SHANK2: variants seen among roughly 807,000 people sequenced by gnomAD.
The protein encoded by SHANK2 is SH3 and multiple ankyrin repeat domains 2, also known as SH3 and multiple ankyrin repeat domains protein 2.
A neutral mutation model predicts 133.7 loss-of-function variants in SHANK2; 43 were observed. The observed-to-expected ratio is 0.32, with a 90% CI of 0.25 to 0.41. SHANK2 has a LOEUF of 0.41. SHANK2 is among the 10% of genes least tolerant of loss of function. The probability of loss-of-function intolerance (pLI) is 1.00; values close to 1 mark genes in which losing one functional copy is unlikely to be tolerated. For synonymous variants in SHANK2, 1,017 were observed against 952.8 expected, an observed-to-expected ratio of 1.07 and a Z score of -1.24; for missense variants, 1,994 against 2,235.8, an observed-to-expected ratio of 0.89 and a Z score of 2.18.
At chr11:70,523,680 C>T (rs1215170785) in intron 17 of SHANK2, among the ~76,000 whole-genome samples, 1 of 152,194 alleles carries the variant, frequency 6.6e-6, no homozygotes, top group Non-Finnish European at 1.5e-5. Context: ...CAGTGTTCAC[C>T]GCTTCCTGTG....
intron 2 of SHANK2, among the ~76,000 whole-genome samples, chr11:71,154,353 T>C (rs1193216274): frequency 1.3e-5 from 2 of 152,116 alleles, no homozygotes; most frequent in Non-Finnish European, 2.9e-5. Flanking sequence ...GACATAGACA[T>C]AGGGCTGAGA....
intron 2 of SHANK2, among the ~76,000 whole-genome samples, chr11:71,171,375 C>T (rs1211979890): frequency 2.0e-5 from 3 of 152,164 alleles, no homozygotes; most frequent in Admixed American, 6.5e-5. Flanking sequence ...AGCCAAAGGC[C>T]AGAGCACCCG....
chr11:71,190,072 G>T (rs1565504298), intron 2 of SHANK2, among the ~76,000 whole-genome samples: 1 of 152,166 alleles, frequency 6.6e-6, no homozygotes, highest in Non-Finnish European at 1.5e-5. Flanking sequence ...TCCACACGTA[G>T]GTCGACCAAC....
chr11:71,182,246 T>A (rs758681556), intron 2 of SHANK2, among the ~76,000 whole-genome samples: 1 of 152,150 alleles, frequency 6.6e-6, no homozygotes. Context: ...TCGGGGCTCC[T>A]GAGTTTCTAC....
At chr11:70,702,418 TCATCACCAC>T (rs1555023976) in intron 14 of SHANK2, among the ~76,000 whole-genome samples, 1 of 151,258 alleles carries the variant, frequency 6.6e-6, no homozygotes, top group Non-Finnish European at 1.5e-5. Flanking sequence ...ACCATCATCA[TCATCACCAC>T]CATCACCACC....
chr11:71,165,041 T>C (rs1243985976), intron 2 of SHANK2, among the ~76,000 whole-genome samples: 1 of 152,008 alleles, frequency 6.6e-6, no homozygotes, highest in Admixed American at 6.6e-5. Flanking sequence ...GTCTTCATTT[T>C]TTTTTTTTTT....
At chr11:70,778,524 G>A (rs1270402662) in intron 14 of SHANK2, among the ~76,000 whole-genome samples, 1 of 152,104 alleles carries the variant, frequency 6.6e-6, no homozygotes, top group African/African-American at 2.4e-5. Flanking sequence ...ATTAAATGAA[G>A]GTACAAGGCA....
rs143309887 is a variant in SHANK2 at position 70,923,705 on chromosome 11, T to G, written c.1108-27138A>C. 5.9e-5 allele frequency among the ~76,000 whole-genome samples: 9 copies of G among 152,328 alleles called. No individual in the cohort carries two copies. The East Asian group carries it at 1.5e-3, about 26-fold the overall frequency. ...CTGGGACTACAAGTATGCACCACCA[T>G]GCCCAGTTTGTTTTTATATACTTTT... On this transcript the variant is annotated intron_variant, in intron 10 of 25. Transcript: ENST00000601538.
At chr11:70,509,984 G>GCTTA (rs1565084591) in intron 17 of SHANK2, among the ~76,000 whole-genome samples, 1 of 152,180 alleles carries the variant, frequency 6.6e-6, no homozygotes, top group African/African-American at 2.4e-5. Flanking sequence ...CCATAGCTGT[G>GCTTA]CTTACTTACC....
At chr11:70,599,925 A>AAGAGAAAGAAAGAAAG (rs1378395578) in intron 17 of SHANK2, among the ~76,000 whole-genome samples, 8 of 113,986 alleles carry the variant, frequency 7.0e-5, no homozygotes, top group African/African-American at 3.9e-4. Context: ...GAAAGAAAGA[A>AAGAGAAAGAAAGAAAG]AGAAAGAAAG....
In SHANK2 at chr11:71,211,879, G is replaced by T. The variant is rs1954290650; in HGVS notation, c.-13+12818C>A. 3.3e-5 allele frequency among the ~76,000 whole-genome samples: 5 copies of T among 151,900 alleles called. No homozygotes were observed. In the South Asian group the frequency reaches 1.0e-3, roughly 32 times the overall value. On this transcript the variant is annotated intron_variant, in intron 2 of 25. Coordinates refer to ENST00000601538, the MANE Select transcript of SHANK2 (RefSeq NM_012309.5). ...GTTGTCCAGATCTCCTCTGTGCATG[G>T]TTCTTTAAGTTGCATGCCTGAATCA...
At chr11:70,866,453 A>G (rs868946584) in intron 11 of SHANK2, among the ~76,000 whole-genome samples, 32 of 152,298 alleles carry the variant, frequency 2.1e-4, no homozygotes, top group Admixed American at 1.6e-3. Context: ...GGGAACAGAT[A>G]AGACCAAGAA....
intron 10 of SHANK2, among the ~76,000 whole-genome samples, chr11:70,932,135 T>C (rs1219986416): frequency 6.6e-6 from 1 of 152,210 alleles, no homozygotes; most frequent in Non-Finnish European, 1.5e-5. Flanking sequence ...AGAAAACATT[T>C]TGTAGACATC....
chr11:71,065,184 G>C (rs1778462645), intron 9 of SHANK2, among the ~76,000 whole-genome samples: 1 of 152,204 alleles, frequency 6.6e-6, no homozygotes. Flanking sequence ...CCATGAGAAG[G>C]TGGAAGCCAC....
At chr11:70,885,414 T>C (rs1949723657) in intron 11 of SHANK2, among the ~76,000 whole-genome samples, 1 of 152,178 alleles carries the variant, frequency 6.6e-6, no homozygotes, top group South Asian at 2.1e-4. Context: ...CCATGGGGGA[T>C]CCGCAGTGGG....
At chr11:70,549,883 C>G in intron 17 of SHANK2, among the ~76,000 whole-genome samples, 1 of 152,232 alleles carries the variant, frequency 6.6e-6, no homozygotes, top group East Asian at 1.9e-4. Flanking sequence ...AAAGACACAG[C>G]GAAGCTCCGG....
chr11:70,644,246 C>T (rs1207439506), intron 17 of SHANK2, among the ~76,000 whole-genome samples: 2 of 152,132 alleles, frequency 1.3e-5, no homozygotes, highest in Admixed American at 6.5e-5. Flanking sequence ...ACAGTGTGTG[C>T]AGCCATCACC....
At chr11:71,115,709 A>T (rs1222427278) in intron 4 of SHANK2, among the ~76,000 whole-genome samples, 2 of 152,166 alleles carry the variant, frequency 1.3e-5, no homozygotes, top group Non-Finnish European at 2.9e-5. Context: ...TCGAGGTTGC[A>T]CAGCTGCAGG....
intron 17 of SHANK2, chr11:70,647,269 G>A (rs1555008670): frequency 6.6e-6 from 1 of 152,232 alleles, no homozygotes; most frequent in African/African-American, 2.4e-5. Context: ...AGTCTTGCCT[G>A]TGCATAACTT....
Sources: gnomAD v4.1 joint callset for allele counts (sites outside exome capture counted in the v4.1 genomes callset) on GRCh38, gnomAD v4.1.1 for gene constraint, MANE v1.5 for transcripts, NCBI Gene and HGNC (gene_info 2026-07-23, HGNC 2026-07-21) for gene names.